COL4A4: variants seen among roughly 807,000 people sequenced by gnomAD.
COL4A4 encodes the protein collagen alpha-4(IV) chain.
In COL4A4, 105 loss-of-function variants were observed where a neutral mutation model predicts 192.9. The observed-to-expected ratio is 0.54, with a 90% CI of 0.46 to 0.64. The LOEUF is 0.64. Among genes scored for constraint, COL4A4 ranks in the 30% least tolerant of loss-of-function variants. COL4A4 has a pLI of 0.00. For missense variants in COL4A4, 1,967 were observed against 2,169.3 expected (o/e 0.91, Z 1.85); for synonymous variants, 762 against 769.9 (o/e 0.99, Z 0.17).
chr2:227,050,031 G>C, intron 34 of COL4A4, 37 bp downstream of exon 34: 1 of 1,576,862 alleles, frequency 6.3e-7, no homozygotes, highest in Non-Finnish European at 8.7e-7. Context: ...TCGGGACTAT[G>C]CATTTGACAG....
chr2:227,125,236 C>T (rs2062018186), intron 4 of COL4A4, among the ~76,000 whole-genome samples: 1 of 151,318 alleles, frequency 6.6e-6, no homozygotes. Context: ...GAGATGGAGT[C>T]TCGCTCTTTC....
intron 4 of COL4A4, among the ~76,000 whole-genome samples, chr2:227,121,664 A>C (rs977830241): frequency 2.0e-5 from 3 of 152,164 alleles, no homozygotes; most frequent in African/African-American, 7.2e-5. Context: ...GACTTAAAAC[A>C]TAAGAAATAG....
intron 37 of COL4A4, among the ~76,000 whole-genome samples, chr2:227,036,810 G>A (rs553954832): frequency 1.3e-5 from 2 of 152,256 alleles, no homozygotes; most frequent in East Asian, 3.9e-4. Context: ...AGTAAAAAAA[G>A]CGGGGGGAGA....
At chr2:227,107,503 A>C (rs1249728313) in intron 12 of COL4A4, among the ~76,000 whole-genome samples, 3 of 152,090 alleles carry the variant, frequency 2.0e-5, no homozygotes, top group Non-Finnish European at 4.4e-5. Context: ...CCACATCATG[A>C]AGTTGTTATA....
intron 1 of COL4A4, among the ~76,000 whole-genome samples, chr2:227,162,746 A>C (rs1039932450): frequency 2.0e-5 from 3 of 152,346 alleles, no homozygotes; most frequent in Non-Finnish European, 4.4e-5. Flanking sequence ...ATGTACAGGA[A>C]ATTTTAAAAC....
At position 227,007,471 on chromosome 2, in the gene COL4A4, A is replaced by C; in HGVS notation, c.4927T>G (p.Phe1643Val). ...ECQGRQGTCH[F>V]FANKYSFWLT... ...CAGAAGCTATACTTATTTGCGAAAA[A>C]GTGGCAAGTTCCCTGCCGGCCCTGG... Residue 1643 changes from phenylalanine to valine, a missense_variant, in exon 48 of 48, where the codon TTT becomes GTT. Physicochemically the swap from Phe to Val is conservative, Grantham distance 50. Coordinates refer to ENST00000396625, the MANE Select transcript of COL4A4 (RefSeq NM_000092.5). 6.2e-7 allele frequency: 1 copy of C among 1,614,232 alleles called. No individual in the cohort carries two copies. Among genetic ancestry groups the C allele is most frequent in the East Asian group, 2.2e-5 (1 of 44,888 alleles).
At chr2:227,049,916 A>G in intron 34 of COL4A4, 152 bp downstream of exon 34, 1 of 735,824 alleles carries the variant, frequency 1.4e-6, no homozygotes, top group Non-Finnish European at 2.4e-6. Flanking sequence ...GAATATTTGG[A>G]TCTTGAGTGT....
At chr2:227,074,805 A>G (rs1334206500) in intron 25 of COL4A4, among the ~76,000 whole-genome samples, 7 of 152,188 alleles carry the variant, frequency 4.6e-5, no homozygotes, top group African/African-American at 1.7e-4. Context: ...ACAGGAGTGG[A>G]AAACCAAAAA....
the COL4A4 span, among the ~76,000 whole-genome samples, chr2:226,991,175 T>A: frequency 9.0e-4 from 137 of 152,314 alleles, 1 homozygote; most frequent in African/African-American, 3.2e-3. Flanking sequence ...GTCACTGGTT[T>A]TGTCATTTTA....
chr2:227,021,856 A>G (rs181995774), intron 44 of COL4A4, among the ~76,000 whole-genome samples, 192 bp downstream of exon 44: 3 of 152,236 alleles, frequency 2.0e-5, no homozygotes, highest in Admixed American at 2.0e-4. Context: ...AAAATAATAG[A>G]AGGGATGTGT....
intron 23 of COL4A4, among the ~76,000 whole-genome samples, chr2:227,081,364 G>A (rs145567852): frequency 2.6e-5 from 4 of 152,296 alleles, no homozygotes; most frequent in African/African-American, 9.6e-5. Context: ...TTTCTCCTGT[G>A]CTGAATGCTT....
chr2:227,139,942 A>G (rs2063086940), intron 4 of COL4A4, among the ~76,000 whole-genome samples: 1 of 152,198 alleles, frequency 6.6e-6, no homozygotes, highest in South Asian at 2.1e-4. Flanking sequence ...AGTGTCATAT[A>G]AAACAATGGG....
At position 227,099,645 on chromosome 2, in the gene COL4A4, C is replaced by G. The variant is rs374680846; in HGVS notation, c.1074G>C (p.Leu358Phe). The G allele has an allele frequency of 2.2e-5, 35 of 1,613,972 alleles. No individual in the cohort carries two copies. The highest frequency in any genetic ancestry group is 1.3e-4 in the East Asian group (6 of 44,884). The stretch of plus-strand genomic sequence containing the variant: ...CTTTGAGTGGAAGAGGTGGAGTCAC[C>G]AAAACACCTGGTGGTCCTGGGTGCC... ...NRGHPGPPGV[L>F]VTPPLPLKGP... The change falls in exon 18 of 48, where the codon TTG becomes TTC. Residue 358 changes from leucine (L) to phenylalanine (F), a missense_variant. By Grantham distance (22) the Leu-to-Phe change is conservative. Coordinates refer to ENST00000396625, the MANE Select transcript of COL4A4 (RefSeq NM_000092.5).
chr2:227,054,809 G>T, intron 30 of COL4A4, 72 bp from the exon 31 acceptor site: 1 of 1,490,144 alleles, frequency 6.7e-7, no homozygotes, highest in South Asian at 1.2e-5. Flanking sequence ...GGTGGGAGGT[G>T]GACAGAGTCT....
chr2:227,122,461 T>C (rs1483474424), intron 4 of COL4A4, among the ~76,000 whole-genome samples: 1 of 152,222 alleles, frequency 6.6e-6, no homozygotes, highest in Non-Finnish European at 1.5e-5. Context: ...TTAGGAGATA[T>C]CTGCTCAGAT....
rs150996994 is a variant in COL4A4 at position 227,073,183 on chromosome 2, A to G, written c.1987+4711T>C. On this transcript the variant is annotated intron_variant, in intron 25 of 47. Coordinates refer to ENST00000396625, the MANE Select transcript of COL4A4 (RefSeq NM_000092.5). Reference sequence around the variant, plus strand: ...TCAAAAATACTCTTAGATATGATAAACAAATTCAGTAAAGTCTCAGGTTAC... The same window carrying G: ...TCAAAAATACTCTTAGATATGATAAGCAAATTCAGTAAAGTCTCAGGTTAC... Among the ~76,000 whole-genome samples the G allele has an allele frequency of 2.6e-3, 401 of 152,194 alleles. 1 individual carries two copies. The highest frequency in any genetic ancestry group is 8.9e-3 in the African/African-American group (372 of 41,568).
chr2:226,993,782 G>A, the COL4A4 span, among the ~76,000 whole-genome samples: 11 of 152,154 alleles, frequency 7.2e-5, no homozygotes, highest in South Asian at 2.1e-4. Context: ...ATTTCTCTTT[G>A]ACAACGGAAA....
At chr2:227,075,804 C>T (rs1298718002) in intron 25 of COL4A4, among the ~76,000 whole-genome samples, 1 of 152,122 alleles carries the variant, frequency 6.6e-6, no homozygotes, top group Non-Finnish European at 1.5e-5. Context: ...GATACAAAAT[C>T]AATGTGCAAA....
At chr2:227,117,470 A>AAT (rs1344486493) in intron 7 of COL4A4, among the ~76,000 whole-genome samples, 12 of 152,176 alleles carry the variant, frequency 7.9e-5, no homozygotes, top group African/African-American at 2.4e-4. Context: ...CCAGAAGAAA[A>AAT]ATGTGAGTAT....
Sources: allele counts gnomAD v4.1 joint callset (sites outside exome capture counted in the v4.1 genomes callset), GRCh38; gene constraint gnomAD v4.1.1; transcripts MANE v1.5; gene names NCBI Gene and HGNC (gene_info 2026-07-23, HGNC 2026-07-21).